EMCN: variants seen among roughly 807,000 people sequenced by gnomAD.
The protein encoded by EMCN is MUC-14.
A neutral mutation model predicts 38.4 loss-of-function variants in EMCN; 37 were observed. The observed-to-expected ratio is 0.96, with a 90% CI of 0.74 to 1.27. The LOEUF (loss-of-function observed/expected upper bound fraction) is 1.27, where lower values mean the gene tolerates loss of function less well. EMCN is among the 50% of genes most tolerant of loss of function. EMCN has a pLI of 0.00. For synonymous variants in EMCN, 95 were observed against 100.8 expected (o/e 0.94, Z 0.35); for missense variants, 318 against 302.8 (o/e 1.05, Z -0.37).
chr4:100,486,791 G>A (rs955418857), intron 1 of EMCN: 2 of 903,348 alleles, frequency 2.2e-6, no homozygotes, highest in African/African-American at 3.6e-5. Context: ...CTGCAAAATG[G>A]ACCCAAGAAC....
At chr4:100,487,049 G>T (rs1480440888) in intron 1 of EMCN, 1 of 982,376 alleles carries the variant, frequency 1.0e-6, no homozygotes, top group Non-Finnish European at 1.2e-6. Flanking sequence ...AAAGGCAAAG[G>T]TTACATTTAA....
At chr4:100,447,414 T>C in intron 5 of EMCN, 119 bp downstream of exon 5, 1 of 696,556 alleles carries the variant, frequency 1.4e-6, no homozygotes, top group South Asian at 1.7e-5. Flanking sequence ...TTATTTGTGA[T>C]GTAATGTTTT....
At chr4:100,440,486 C>A (rs907401448) in intron 5 of EMCN, among the ~76,000 whole-genome samples, 2 of 152,036 alleles carry the variant, frequency 1.3e-5, no homozygotes, top group Non-Finnish European at 2.9e-5. Context: ...TGAGAATATA[C>A]AATGTTTGGT....
At chr4:100,491,667 A>T (rs901714842) in intron 1 of EMCN, among the ~76,000 whole-genome samples, 1 of 152,110 alleles carries the variant, frequency 6.6e-6, no homozygotes, top group African/African-American at 2.4e-5. Flanking sequence ...CAAGGAATAG[A>T]CCCTGTAACC....
intron 5 of EMCN, among the ~76,000 whole-genome samples, chr4:100,424,315 C>G (rs1285328338): frequency 6.6e-6 from 1 of 152,056 alleles, no homozygotes; most frequent in Non-Finnish European, 1.5e-5. Context: ...TTTGCCTTGC[C>G]TCTTCACTGA....
rs1367048715 is a variant in EMCN at position 100,434,900 on chromosome 4, C to A, written c.416-11496G>T. Among the ~76,000 whole-genome samples the A allele has an allele frequency of 3.3e-5, 5 of 152,198 alleles. No individual in the cohort carries two copies. In the South Asian group the frequency reaches 6.2e-4, roughly 19 times the overall value. On this transcript the variant is annotated intron_variant, in intron 5 of 11. Transcript: ENST00000296420. Reference sequence around the variant, plus strand: ...TCTAAATAATAAGAGCCATATATGACAAACCCACAGCCAATATCATACTGA... The same window carrying A: ...TCTAAATAATAAGAGCCATATATGAAAAACCCACAGCCAATATCATACTGA...
At chr4:100,403,234 CTTGTTCCCCGCT>C (rs1487254572) in intron 11 of EMCN, among the ~76,000 whole-genome samples, 1 of 152,110 alleles carries the variant, frequency 6.6e-6, no homozygotes, top group Non-Finnish European at 1.5e-5. Context: ...TCTGGTGTCT[CTTGTTCCCCGCT>C]TTGTGCCTTT....
chr4:100,513,761 A>G (rs1729686233), intron 1 of EMCN, among the ~76,000 whole-genome samples: 1 of 152,184 alleles, frequency 6.6e-6, no homozygotes, highest in African/African-American at 2.4e-5. Context: ...ATAGTAAACT[A>G]TTAGGTGATT....
rs181115965 is a variant in EMCN at position 100,480,998 on chromosome 4, T to C, written c.65-959A>G. The stretch of plus-strand genomic sequence containing the variant: ...ATATTTTTAGTCCTGTATTTTGTTG[T>C]TTTCATCTCTGGAAATACAGTTTTA... On this transcript the variant is annotated intron_variant, in intron 1 of 11. Coordinates refer to ENST00000296420, the MANE Select transcript of EMCN (RefSeq NM_016242.4). Among the ~76,000 whole-genome samples, 3 of 152,210 alleles carry C rather than the reference T, an allele frequency of 2.0e-5. No homozygotes were observed. In the East Asian group the frequency reaches 5.8e-4, roughly 29 times the overall value.
At chr4:100,437,671 C>T (rs1727395386) in intron 5 of EMCN, among the ~76,000 whole-genome samples, 1 of 152,108 alleles carries the variant, frequency 6.6e-6, no homozygotes, top group Admixed American at 6.6e-5. Context: ...ATCATATACC[C>T]ATTGTGTGCT....
At chr4:100,432,099 A>G (rs1267965828) in intron 5 of EMCN, among the ~76,000 whole-genome samples, 2 of 152,092 alleles carry the variant, frequency 1.3e-5, no homozygotes, top group Non-Finnish European at 1.5e-5. Context: ...TGGCTATGCA[A>G]TGTTTGCATT....
chr4:100,473,387 T>TG (rs1728547150), intron 3 of EMCN, among the ~76,000 whole-genome samples: 2 of 125,824 alleles, frequency 1.6e-5, no homozygotes, highest in Non-Finnish European at 3.3e-5. Flanking sequence ...TTTTTTTTTG[T>TG]TTTTTTTTTT....
rs200913864 is a variant in EMCN at position 100,415,966 on chromosome 4, G to GAA, written c.690-9_690-8dup. 74 of 1,356,710 alleles carry GAA rather than the reference G, an allele frequency of 5.5e-5. No individual in the cohort carries two copies. Among genetic ancestry groups the GAA allele is most frequent in the East Asian group, 2.7e-4 (10 of 37,644 alleles). 84.0% of individuals were successfully genotyped at this position (1,356,710 alleles called of 1,614,324 possible). A position where few individuals can be genotyped will look rare whatever the true frequency, so the allele number is the denominator to read the frequency against. ...CTCTTTATCAGACTGAGGTCTATTT[G>GAA]AAAAAAAAAACATGAAATTAACACC... On this transcript the variant is annotated splice_region_variant and splice_polypyrimidine_tract_variant and intron_variant, in intron 9 of 11. Coordinates refer to ENST00000296420, the MANE Select transcript of EMCN (RefSeq NM_016242.4).
intron 11 of EMCN, among the ~76,000 whole-genome samples, chr4:100,403,735 G>C (rs1446713402): frequency 6.6e-6 from 1 of 152,032 alleles, no homozygotes; most frequent in African/African-American, 2.4e-5. Flanking sequence ...GCCAGCATCT[G>C]TGACTTCTTG....
At chr4:100,472,408 A>G (rs1728502004) in intron 3 of EMCN, among the ~76,000 whole-genome samples, 1 of 152,038 alleles carries the variant, frequency 6.6e-6, no homozygotes, top group South Asian at 2.1e-4. Context: ...ATTTTACAAA[A>G]ATAAGTTTAA....
At chr4:100,445,988 CA>C in intron 5 of EMCN, 1 of 868,134 alleles carries the variant, frequency 1.2e-6, no homozygotes, top group Non-Finnish European at 1.4e-6. Flanking sequence ...TTTTGTTCCA[CA>C]AAAATCAATT....
chr4:100,517,283 G>C (rs1729783129), intron 1 of EMCN, among the ~76,000 whole-genome samples: 1 of 152,004 alleles, frequency 6.6e-6, no homozygotes, highest in African/African-American at 2.4e-5. Flanking sequence ...GTTTAGATAT[G>C]TGCATATTTC....
chr4:100,458,507 A>G (rs1728080189), intron 4 of EMCN, among the ~76,000 whole-genome samples: 1 of 152,224 alleles, frequency 6.6e-6, no homozygotes, highest in Non-Finnish European at 1.5e-5. Flanking sequence ...CACTTTGATA[A>G]GGGATATTCA....
At chr4:100,473,365 G>GTTTTTTTT in intron 3 of EMCN, among the ~76,000 whole-genome samples, 802 of 29,714 alleles carry the variant, frequency 0.027, 164 homozygotes, top group Non-Finnish European at 0.042. Context: ...CCCGTTTCGT[G>GTTTTTTTT]TTTTTTTGTT....
Sources: allele counts gnomAD v4.1 joint callset (sites outside exome capture counted in the v4.1 genomes callset), GRCh38; gene constraint gnomAD v4.1.1; transcripts MANE v1.5; gene names NCBI Gene and HGNC (gene_info 2026-07-23, HGNC 2026-07-21).